Variants in CASP10 observed in about 807,000 individuals in gnomAD.
CASP10 encodes caspase-10.
A neutral mutation model predicts 48.5 loss-of-function variants in CASP10; 41 were observed. The ratio of observed to expected loss-of-function variants is 0.85; its 90% confidence interval spans 0.66 to 1.10. The LOEUF (loss-of-function observed/expected upper bound fraction) is 1.10. CASP10 is among the 50% of genes least tolerant of loss of function. The pLI, the probability that CASP10 is intolerant of heterozygous loss-of-function variation, is 0.00. For missense variants in CASP10, 614 were observed against 614.5 expected, an observed-to-expected ratio of 1.00 and a Z score of 0.01; for synonymous variants, 232 against 238.4, an observed-to-expected ratio of 0.97 and a Z score of 0.25.
chr2:201,184,272 C>T (rs1231837291), intron 1 of CASP10, among the ~76,000 whole-genome samples: 1 of 152,078 alleles, frequency 6.6e-6, no homozygotes, highest in African/African-American at 2.4e-5. Context: ...ATTTGAGCAA[C>T]TCTTGTCTAA....
At position 201,219,695 on chromosome 2, in the gene CASP10, C is replaced by T. The variant is rs998383242; in HGVS notation, c.*1954C>T. On this transcript the variant is annotated 3_prime_UTR_variant, in exon 10 of 10. Coordinates refer to ENST00000286186, the MANE Select transcript of CASP10 (RefSeq NM_032977.4). Reference sequence around the variant, plus strand: ...TTCATTAAGATTTTGAGCATTTTTACGTACTTGAGCTTTTTTTTTTTTTTT... The same window carrying T: ...TTCATTAAGATTTTGAGCATTTTTATGTACTTGAGCTTTTTTTTTTTTTTT... The T allele has an allele frequency of 1.0e-5, 10 of 976,732 alleles. No homozygotes were observed. The highest frequency in any genetic ancestry group is 1.8e-5 in the African/African-American group (1 of 54,964). The allele number at this position is 976,732 out of a possible 1,614,324, so 60.5% of individuals were successfully genotyped here. A position where few individuals can be genotyped will look rare whatever the true frequency, so the allele number is the denominator to read the frequency against.
Position 201,209,460 on chromosome 2 carries a change from T to C in CASP10, c.1313T>C (p.Leu438Pro), listed in dbSNP as rs1945325144. 1 of 1,613,932 alleles carries C rather than the reference T, an allele frequency of 6.2e-7. No individual in the cohort carries two copies. Among genetic ancestry groups the C allele is most frequent in the Admixed American group, 1.7e-5 (1 of 60,006 alleles). ...DSIPAEADFL[L>P]GLATVPGYVS... is the part of the protein sequence containing the mutation. ...ATTCCTGCCGAGGCTGACTTCCTAC[T>C]TGGTCTGGCCACTGTCCCAGGCTAT... is the stretch of plus-strand genomic sequence containing the variant. The change falls in exon 9 of 10, where the codon CTT becomes CCT. Residue 438 changes from leucine (L) to proline (P), a missense_variant. Leu to Pro is a moderately conservative substitution (Grantham distance 98, BLOSUM62 -3). Transcript: ENST00000286186.
chr2:201,206,038 G>A (rs1243811518), intron 7 of CASP10, 65 bp downstream of exon 7: 1 of 1,034,960 alleles, frequency 9.7e-7, no homozygotes, highest in African/African-American at 1.6e-5. Context: ...TAATCAAAAG[G>A]ACGGTTTCTT....
At chr2:201,188,482 G>A (rs1333327694) in intron 3 of CASP10, among the ~76,000 whole-genome samples, 1 of 152,142 alleles carries the variant, frequency 6.6e-6, no homozygotes, top group Admixed American at 6.5e-5. Flanking sequence ...ACCTGGCCTT[G>A]TCCAGTTTTT....
chr2:201,204,204 G>A lies in CASP10; in HGVS notation c.721+438G>A, dbSNP rs1431788931. On this transcript the variant is annotated intron_variant, in intron 6 of 9. Coordinates refer to ENST00000286186, the MANE Select transcript of CASP10 (RefSeq NM_032977.4). ...AAGCAAGAGGAGGGACTTGAGGATG[G>A]TGTGTTTAGTTCCCTGAATCCCTGC... Among the ~76,000 whole-genome samples the A allele has an allele frequency of 3.3e-5, 5 of 152,230 alleles. No homozygotes were observed. In the East Asian group the frequency reaches 9.6e-4, roughly 29 times the overall value.
chr2:201,222,359 G>A (rs1945736723), downstream of CASP10, among the ~76,000 whole-genome samples: 1 of 151,876 alleles, frequency 6.6e-6, no homozygotes, highest in South Asian at 2.1e-4. Flanking sequence ...TGGGATTACA[G>A]GTGTGCACCA....
downstream of CASP10, among the ~76,000 whole-genome samples, chr2:201,225,167 T>C (rs1268767480): frequency 1.3e-5 from 2 of 152,214 alleles, no homozygotes; most frequent in African/African-American, 4.8e-5. Context: ...TTAGGTTGAC[T>C]GACCCTATCT....
rs200877813 is a variant in CASP10, at chr2:201,193,092, A to G, written c.550A>G (p.Asn184Asp). ...CKTVVPKLLR[N>D]IEKYKREKAI... The stretch of plus-strand genomic sequence containing the variant: ...AACAGTTGTACCTAAACTTTTGAGA[A>G]ACATAGAGAAATACAAAAGAGAGAA... Residue 184 changes from asparagine to aspartate, a missense_variant, in exon 4 of 10, where the codon AAC becomes GAC. Physicochemically the swap from Asn to Asp is conservative, Grantham distance 23 (BLOSUM62 1). Transcript: ENST00000286186. 1 of 1,613,916 alleles carries G rather than the reference A, an allele frequency of 6.2e-7. No individual in the cohort carries two copies. Among genetic ancestry groups the G allele is most frequent in the East Asian group, 2.2e-5 (1 of 44,864 alleles).
chr2:201,225,578 C>T (rs930078471), downstream of CASP10, among the ~76,000 whole-genome samples: 1 of 152,252 alleles, frequency 6.6e-6, no homozygotes, highest in Non-Finnish European at 1.5e-5. Context: ...GAAGCCCCAC[C>T]TTTTCTCTTG....
downstream of CASP10, among the ~76,000 whole-genome samples, chr2:201,222,904 A>G (rs1391929963): frequency 6.6e-6 from 1 of 152,238 alleles, no homozygotes; most frequent in Non-Finnish European, 1.5e-5. Flanking sequence ...TGTGCCATAC[A>G]TGATTCACAG....
chr2:201,227,222 A>G (rs929348310), intron 9 of CASP10, among the ~76,000 whole-genome samples: 7 of 152,270 alleles, frequency 4.6e-5, no homozygotes, highest in African/African-American at 1.7e-4. Context: ...AGTGCTGATT[A>G]ATGGAATTTA....
intron 5 of CASP10, chr2:201,200,772 C>T: frequency 1.7e-6 from 2 of 1,175,166 alleles, no homozygotes; most frequent in Non-Finnish European, 2.1e-6. Flanking sequence ...CCCCATCTCC[C>T]CCAATGGGAA....
chr2:201,219,635 A>C lies in CASP10; in HGVS notation c.*1894A>C. ...CAGAGGGGATGTCTGGCTTGCCTGAAGGGAGTGGCTCTGTAAGGACGCCTT... is the reference window on the plus strand; with the variant it reads ...CAGAGGGGATGTCTGGCTTGCCTGACGGGAGTGGCTCTGTAAGGACGCCTT... On this transcript the variant is annotated 3_prime_UTR_variant, in exon 10 of 10. Transcript: ENST00000286186. 1 of 984,478 alleles carries C rather than the reference A, an allele frequency of 1.0e-6. No individual in the cohort carries two copies. The allele number at this position is 984,478 out of a possible 1,614,324, so 61.0% of individuals were successfully genotyped here. A position where few individuals can be genotyped will look rare whatever the true frequency, so the allele number is the denominator to read the frequency against.
chr2:201,195,036 C>T (rs1047739315), intron 4 of CASP10, among the ~76,000 whole-genome samples: 1 of 151,992 alleles, frequency 6.6e-6, no homozygotes, highest in African/African-American at 2.4e-5. Flanking sequence ...CTCGGCCTCC[C>T]AAAGTGCTGG....
At position 201,220,267 on chromosome 2, in the gene CASP10, C is replaced by G. The variant is rs886882862; in HGVS notation, c.*2526C>G. ...AAGGAAATCACTTCTTTTCTAACAG[C>G]GAGCAGCCAGAAAGAGAAGAGAGTA... On this transcript the variant is annotated 3_prime_UTR_variant, in exon 10 of 10. Coordinates refer to ENST00000286186, the MANE Select transcript of CASP10 (RefSeq NM_032977.4). 2.8e-5 allele frequency: 14 copies of G among 503,788 alleles called. No homozygotes were observed. The highest frequency in any genetic ancestry group is 2.6e-5 in the Non-Finnish European group (10 of 390,610). 31.2% of individuals were successfully genotyped at this position (503,788 alleles called of 1,614,324 possible). A position where few individuals can be genotyped will look rare whatever the true frequency, so the allele number is the denominator to read the frequency against.
rs1045537585 is a variant in CASP10 at position 201,217,744 on chromosome 2, G to T, written c.*3G>T. 1.2e-6 allele frequency: 2 copies of T among 1,613,786 alleles called. No individual in the cohort carries two copies. The highest frequency in any genetic ancestry group is 1.7e-6 in the Non-Finnish European group (2 of 1,179,782). ...CCCTGGATGCACTTTCATTATAGCAGAGAGTTTTTGTTGGTTCTTAGACCT... is the reference window on the plus strand; with the variant it reads ...CCCTGGATGCACTTTCATTATAGCATAGAGTTTTTGTTGGTTCTTAGACCT... On this transcript the variant is annotated 3_prime_UTR_variant, in exon 10 of 10. Transcript: ENST00000286186.
chr2:201,221,950 C>T (rs746875222), downstream of CASP10, among the ~76,000 whole-genome samples: 4 of 152,140 alleles, frequency 2.6e-5, no homozygotes, highest in African/African-American at 4.8e-5. Flanking sequence ...AGGAGGGGTA[C>T]ACAGTTGGTA....
chr2:201,196,333 A>G (rs1378574798), intron 5 of CASP10, among the ~76,000 whole-genome samples: 2 of 152,192 alleles, frequency 1.3e-5, no homozygotes, highest in Non-Finnish European at 2.9e-5. Flanking sequence ...TCCACAGTTC[A>G]AGTACAGAGC....
At chr2:201,195,674 A>G (rs1944764117) in intron 4 of CASP10, among the ~76,000 whole-genome samples, 168 bp from the exon 5 acceptor site, 1 of 151,602 alleles carries the variant, frequency 6.6e-6, no homozygotes, top group South Asian at 2.1e-4. Context: ...TGTTTGCTTC[A>G]GTATTTTTTT....
Sources: allele counts gnomAD v4.1 joint callset (sites outside exome capture counted in the v4.1 genomes callset), GRCh38; gene constraint gnomAD v4.1.1; transcripts MANE v1.5; gene names NCBI Gene and HGNC (gene_info 2026-07-23, HGNC 2026-07-21).